CUL5: variants seen among roughly 807,000 people sequenced by gnomAD.
CUL5 encodes cullin-5.
Under a neutral mutation model 108.8 loss-of-function variants are expected in CUL5, and 26 were observed. The observed-to-expected ratio is 0.24, with a 90% confidence interval of 0.18 to 0.33. The LOEUF (loss-of-function observed/expected upper bound fraction) is 0.33, where lower values mean the gene tolerates loss of function less well. Among genes scored for constraint, CUL5 ranks in the 10% least tolerant of loss-of-function variants. The pLI is 1.00. For synonymous variants in CUL5, 334 were observed against 298.0 expected (o/e 1.12, Z -1.25); for missense variants, 524 against 909.2 (o/e 0.58, Z 5.45).
intron 11 of CUL5, among the ~76,000 whole-genome samples, chr11:108,079,384 G>A (rs1591320846): frequency 2.0e-5 from 3 of 152,274 alleles, no homozygotes; most frequent in African/African-American, 7.2e-5. Flanking sequence ...GGGATTACAG[G>A]CGTGAGCCAC....
intron 1 of CUL5, among the ~76,000 whole-genome samples, chr11:108,011,026 T>C (rs1269883274): frequency 6.6e-6 from 1 of 152,252 alleles, no homozygotes; most frequent in Non-Finnish European, 1.5e-5. Flanking sequence ...AAATTTGTTT[T>C]ATTTCTGAAG....
chr11:108,060,433 CAAACTATTCCTTAT>C (rs1863504579), intron 7 of CUL5, among the ~76,000 whole-genome samples: 1 of 152,040 alleles, frequency 6.6e-6, no homozygotes. Flanking sequence ...TGAGGCAAAG[CAAACTATTCCTTAT>C]ACAGAGCTAT....
Position 108,078,258 on chromosome 11 carries a change from A to G in CUL5, c.1178+18A>G, listed in dbSNP as rs762166860. On this transcript the variant is annotated intron_variant, in intron 11 of 18. Transcript: ENST00000393094. ...CAGAAGGGGTAAGTTTTTTAAAACC[A>G]TACTTTAAAAATACTTAAATTTTCT... is the stretch of plus-strand genomic sequence containing the variant. 9 of 1,429,624 alleles carry G rather than the reference A, an allele frequency of 6.3e-6. No individual in the cohort carries two copies. The Admixed American group carries it at 1.5e-4, about 25-fold the overall frequency. 88.6% of individuals were successfully genotyped at this position (1,429,624 alleles called of 1,614,324 possible). A position where few individuals can be genotyped will look rare whatever the true frequency, so the allele number is the denominator to read the frequency against.
At chr11:108,084,348 A>G (rs1446763724) in intron 11 of CUL5, among the ~76,000 whole-genome samples, 1 of 152,232 alleles carries the variant, frequency 6.6e-6, no homozygotes, top group Non-Finnish European at 1.5e-5. Context: ...GTGTTTCCCT[A>G]AGGAGACGCA....
intron 2 of CUL5, among the ~76,000 whole-genome samples, chr11:108,037,767 A>G (rs967159973): frequency 6.6e-6 from 1 of 152,222 alleles, no homozygotes; most frequent in African/African-American, 2.4e-5. Flanking sequence ...GAAGTGTTCA[A>G]CGTAAGTCAC....
In CUL5 at chr11:108,097,703, A is replaced by G. The variant is rs146396823; in HGVS notation, c.1973A>G (p.Lys658Arg). ...LLYEPQVNSP[K>R]DFTEGTLFSV... ...TATGAACCTCAAGTCAACTCACCCA[A>G]AGACTTTACAGAAGGTACCCTCTTC... Residue 658 changes from lysine (K) to arginine (R), a missense_variant, in exon 17 of 19, where the codon AAA becomes AGA. By Grantham distance (26) the Lys-to-Arg change is conservative (BLOSUM62 2). Around this residue, in one of 8 missense-constraint regions of CUL5, gnomAD observed 66 missense variants for 81.4 expected, o/e 0.81. Coordinates refer to ENST00000393094, the MANE Select transcript of CUL5 (RefSeq NM_003478.6). 5.0e-5 allele frequency: 81 copies of G among 1,613,534 alleles called. No individual in the cohort carries two copies. The highest frequency in any genetic ancestry group is 6.4e-5 in the Non-Finnish European group (76 of 1,179,678).
chr11:108,097,404 C>T (rs1864528629), intron 16 of CUL5, among the ~76,000 whole-genome samples: 1 of 152,172 alleles, frequency 6.6e-6, no homozygotes, highest in African/African-American at 2.4e-5. Flanking sequence ...TGTGACCAAT[C>T]CCAGTTTCTT....
chr11:108,102,465 C>A (rs757888772), intron 18 of CUL5, among the ~76,000 whole-genome samples: 5 of 152,114 alleles, frequency 3.3e-5, no homozygotes, highest in Non-Finnish European at 5.9e-5. Flanking sequence ...TAGCTGGGAC[C>A]ACAGGCGCGT....
At chr11:108,034,899 T>C (rs1862692779) in intron 2 of CUL5, among the ~76,000 whole-genome samples, 1 of 152,222 alleles carries the variant, frequency 6.6e-6, no homozygotes, top group Non-Finnish European at 1.5e-5. Flanking sequence ...GATGAAATCC[T>C]GAATTTTTAA....
chr11:108,046,286 T>A lies in CUL5; in HGVS notation c.151T>A (p.Cys51Ser), dbSNP rs1391379301. ...FDLFSDVHAV[C>S]LWDDKGPAKI... is the part of the protein sequence containing the mutation. The stretch of plus-strand genomic sequence containing the variant: ...TATTCACAGGGATGTGCATGCAGTC[T>A]GTCTTTGGGATGATAAAGGCCCAGC... Residue 51 changes from cysteine to serine, a missense_variant, in exon 3 of 19, where the codon TGT (cysteine) becomes AGT (serine). By Grantham distance (112) the Cys-to-Ser change is moderately radical. Transcript: ENST00000393094. 1 of 1,610,416 alleles carries A rather than the reference T, an allele frequency of 6.2e-7. No individual in the cohort carries two copies.
At chr11:108,070,469 A>C (rs938928705) in intron 8 of CUL5, among the ~76,000 whole-genome samples, 5 of 152,178 alleles carry the variant, frequency 3.3e-5, no homozygotes, top group African/African-American at 1.2e-4. Context: ...ACTGCTTTTA[A>C]AGGCCAGTTT....
chr11:108,024,908 C>T (rs1862419080), intron 1 of CUL5, among the ~76,000 whole-genome samples: 1 of 152,160 alleles, frequency 6.6e-6, no homozygotes, highest in Non-Finnish European at 1.5e-5. Context: ...TACCTGTTAC[C>T]ACCCTGTCTT....
intron 1 of CUL5, among the ~76,000 whole-genome samples, chr11:108,015,041 G>A (rs1403597304): frequency 2.0e-5 from 3 of 152,090 alleles, no homozygotes; most frequent in South Asian, 2.1e-4. Flanking sequence ...TGGGATTACC[G>A]GTGACCACCA....
intron 7 of CUL5, among the ~76,000 whole-genome samples, chr11:108,057,689 T>C (rs1863421521): frequency 6.6e-6 from 1 of 152,130 alleles, no homozygotes; most frequent in Non-Finnish European, 1.5e-5. Context: ...AAATTACAAC[T>C]ATATGCAACA....
At chr11:108,018,636 T>C (rs945028965) in intron 1 of CUL5, among the ~76,000 whole-genome samples, 3 of 151,906 alleles carry the variant, frequency 2.0e-5, no homozygotes, top group Admixed American at 2.0e-4. Flanking sequence ...GATCACGCCA[T>C]TGCACTCCAG....
rs1861987461 is a variant in CUL5, at chr11:108,008,996, A to G, written c.-353A>G. The G allele has an allele frequency of 6.9e-6, 2 of 290,834 alleles. No individual in the cohort carries two copies. Among genetic ancestry groups the G allele is most frequent in the South Asian group, 1.0e-4 (1 of 10,014 alleles). 18.0% of individuals were successfully genotyped at this position (290,834 alleles called of 1,614,324 possible). ...GTTGCAGGTGGCCGCGGCGGGTGCA[A>G]CCACAAAGGCTAATCCGAAGGAGTC... On this transcript the variant is annotated 5_prime_UTR_variant, in exon 1 of 19. Coordinates refer to ENST00000393094, the MANE Select transcript of CUL5 (RefSeq NM_003478.6).
At chr11:108,029,090 CT>C (rs1419242420) in intron 1 of CUL5, among the ~76,000 whole-genome samples, 1 of 152,212 alleles carries the variant, frequency 6.6e-6, no homozygotes, top group Non-Finnish European at 1.5e-5. Flanking sequence ...CTAGAATACC[CT>C]TTTTCCAGGT....
chr11:108,089,572 A>G lies in CUL5; in HGVS notation c.1392A>G (p.Leu464=), dbSNP rs756577761. The change falls in exon 13 of 19, where the codon TTA becomes TTG. Residue 464 remains leucine, a synonymous_variant. Coordinates refer to ENST00000393094, the MANE Select transcript of CUL5 (RefSeq NM_003478.6). Reference sequence around the variant, plus strand: ...CTCATTTGACACGACGTCTTATATTAGACATCTCTGCCGATAGTGAAATTG... The same window carrying G: ...CTCATTTGACACGACGTCTTATATTGGACATCTCTGCCGATAGTGAAATTG... ...HKAHLTRRLI[L]DISADSEIEE... 6.4e-7 allele frequency: 1 copy of G among 1,564,818 alleles called. No homozygotes were observed. Among genetic ancestry groups the G allele is most frequent in the East Asian group, 2.3e-5 (1 of 43,386 alleles).
chr11:108,088,282 A>G (rs1163300351), intron 11 of CUL5, among the ~76,000 whole-genome samples: 2 of 152,220 alleles, frequency 1.3e-5, no homozygotes, highest in African/African-American at 4.8e-5. Flanking sequence ...GAAGGCACCT[A>G]GAGTGCAAAA....
Sources: allele counts gnomAD v4.1 joint callset (sites outside exome capture counted in the v4.1 genomes callset), GRCh38; gene constraint gnomAD v4.1.1; regional missense constraint gnomAD v4.1.1; transcripts MANE v1.5; gene names NCBI Gene and HGNC (gene_info 2026-07-23, HGNC 2026-07-21).